LMO7: variants seen among roughly 807,000 people sequenced by gnomAD.
The protein encoded by LMO7 is LIM domain only protein 7.
A neutral mutation model predicts 206.5 loss-of-function variants in LMO7; 120 were observed. The ratio of observed to expected loss-of-function variants is 0.58; its 90% CI spans 0.50 to 0.68. The LOEUF is 0.68. Ranked by LOEUF, LMO7 falls within the 30% of genes least tolerant of loss-of-function variation. The pLI, the probability that LMO7 is intolerant of heterozygous loss-of-function variation, is 0.00. For synonymous variants in LMO7, 706 were observed against 681.5 expected (o/e 1.04, Z -0.56); for missense variants, 1,959 against 1,957.9 (o/e 1.00, Z -0.01).
intron 1 of LMO7, among the ~76,000 whole-genome samples, chr13:75,706,578 C>T (rs1398161082): frequency 6.6e-6 from 1 of 152,034 alleles, no homozygotes; most frequent in African/African-American, 2.4e-5. Context: ...TATTATCTTC[C>T]TCTGTCTCTC....
At chr13:75,674,486 A>G (rs1309261600) in intron 1 of LMO7, among the ~76,000 whole-genome samples, 1 of 152,238 alleles carries the variant, frequency 6.6e-6, no homozygotes, top group East Asian at 1.9e-4. Flanking sequence ...GTGCTTTCAG[A>G]AACATTTCTA....
At chr13:75,850,112 T>C (rs2060365517) in intron 27 of LMO7, among the ~76,000 whole-genome samples, 1 of 151,980 alleles carries the variant, frequency 6.6e-6, no homozygotes, top group South Asian at 2.1e-4. Flanking sequence ...AGCAAGAGAC[T>C]CTGTATAAAA....
chr13:75,826,475 C>T (rs928679426), intron 15 of LMO7, among the ~76,000 whole-genome samples: 5 of 152,150 alleles, frequency 3.3e-5, no homozygotes, highest in Admixed American at 2.0e-4. Flanking sequence ...CCAGGTTGGA[C>T]TCAATAATTT....
chr13:75,727,065 G>C lies in LMO7; in HGVS notation c.177G>C (p.Lys59Asn). The C allele has an allele frequency of 6.3e-7, 1 of 1,589,834 alleles. No homozygotes were observed. Among genetic ancestry groups the C allele is most frequent in the Non-Finnish European group, 8.6e-7 (1 of 1,158,798 alleles). ...INKLKPGVIK[K>N]INRLSTPIAG... ...AGCTTAAACCTGGCGTCATTAAGAA[G>C]ATCAATAGACTGTCTACACCAATAG... is the stretch of plus-strand genomic sequence containing the variant. Residue 59 changes from lysine to asparagine, a missense_variant, in exon 3 of 31, where the codon AAG becomes AAC. Coordinates refer to ENST00000377534, the MANE Select transcript of LMO7 (RefSeq NM_001306080.2).
chr13:75,681,706 G>GTGTGTATATATATATATATATATA (rs1259746833), intron 1 of LMO7, among the ~76,000 whole-genome samples: 1 of 93,328 alleles, frequency 1.1e-5, no homozygotes, highest in African/African-American at 3.6e-5. Context: ...GTATGTATGT[G>GTGTGTATATATATATATATATATA]TATATATATA....
At chr13:75,729,648 G>T (rs2044912207) in intron 3 of LMO7, among the ~76,000 whole-genome samples, 1 of 150,930 alleles carries the variant, frequency 6.6e-6, no homozygotes, top group Admixed American at 6.6e-5. Context: ...GCCCTGGCCA[G>T]AACTTCCAAC....
At position 75,686,526 on chromosome 13, in the gene LMO7, C is replaced by CTTTTT. The variant is rs3036372; in HGVS notation, c.70-26642_70-26638dup. Among the ~76,000 whole-genome samples the CTTTTT allele has an allele frequency of 1.1e-3, 148 of 135,826 alleles. 1 individual carries two copies. The highest frequency in any genetic ancestry group is 3.8e-3 in the African/African-American group (139 of 36,430). The allele number at this position is 135,826 out of a possible 152,430, so 89.1% of individuals were successfully genotyped here. A position where few individuals can be genotyped will look rare whatever the true frequency, so the allele number is the denominator to read the frequency against. ...GCTGCCATGCCTGGCCCTATCTTAC[C>CTTTTT]TTTTTTTTTTTTTTTTTTAAACTCT... On this transcript the variant is annotated intron_variant, in intron 1 of 30. Transcript: ENST00000377534.
rs184856326 is a variant in LMO7 at position 75,733,670 on chromosome 13, T to C, written c.210+6572T>C. Among the ~76,000 whole-genome samples, 13 of 152,290 alleles carry C rather than the reference T, an allele frequency of 8.5e-5. 1 individual carries two copies. The East Asian group carries it at 2.3e-3, about 27-fold the overall frequency. On this transcript the variant is annotated intron_variant, in intron 3 of 30. Transcript: ENST00000377534. ...CACTGTCTGGCACTCCCTAGTGAGA[T>C]GAACACGGTACTGCAGATGGAAATG... is the stretch of plus-strand genomic sequence containing the variant.
chr13:75,819,265 G>T, intron 12 of LMO7, 128 bp from the exon 13 acceptor site: 1 of 1,147,624 alleles, frequency 8.7e-7, no homozygotes, highest in East Asian at 2.6e-5. Flanking sequence ...AGCAAAATTA[G>T]GGCACCTTGG....
chr13:75,698,685 T>C (rs1040060612), intron 1 of LMO7, among the ~76,000 whole-genome samples: 3 of 152,000 alleles, frequency 2.0e-5, no homozygotes, highest in Non-Finnish European at 2.9e-5. Flanking sequence ...GAACTTCTTT[T>C]GTATATGGGG....
At chr13:75,792,333 T>C (rs1206408901) in intron 4 of LMO7, among the ~76,000 whole-genome samples, 1 of 152,146 alleles carries the variant, frequency 6.6e-6, no homozygotes. Flanking sequence ...ACAGAGGGCA[T>C]TATCCCTACT....
At chr13:75,832,206 G>T (rs957023304) in intron 15 of LMO7, among the ~76,000 whole-genome samples, 4 of 152,162 alleles carry the variant, frequency 2.6e-5, no homozygotes, top group Non-Finnish European at 4.4e-5. Context: ...GGTTTGCACA[G>T]ACGTAGTATA....
At chr13:75,846,950 G>T (rs1285291982) in intron 26 of LMO7, among the ~76,000 whole-genome samples, 1 of 149,798 alleles carries the variant, frequency 6.7e-6, no homozygotes, top group African/African-American at 2.5e-5. Flanking sequence ...AGAATTGCTT[G>T]AACCCGGGAG....
chr13:75,787,669 G>A (rs572638223), intron 4 of LMO7, among the ~76,000 whole-genome samples: 108 of 152,216 alleles, frequency 7.1e-4, no homozygotes, highest in African/African-American at 2.4e-3. Context: ...ATTTTCTCAA[G>A]TGTCACTTTA....
intron 1 of LMO7, among the ~76,000 whole-genome samples, chr13:75,711,600 C>A (rs577913212): frequency 3.9e-5 from 6 of 152,192 alleles, no homozygotes; most frequent in Non-Finnish European, 1.5e-5. Context: ...CTTCGGCTCA[C>A]GCTCGGTGCG....
rs2139829949 is a variant in LMO7, at chr13:75,858,161, A to G, written c.*218A>G. ...GGTAATTGTGTGTGGGGAAAAGTGCAGTATTTACCTGTTGAATTCAGCATC... is the reference window on the plus strand; with the variant it reads ...GGTAATTGTGTGTGGGGAAAAGTGCGGTATTTACCTGTTGAATTCAGCATC... On this transcript the variant is annotated 3_prime_UTR_variant, in exon 31 of 31. Transcript: ENST00000377534. 7.0e-6 allele frequency: 3 copies of G among 426,290 alleles called. No homozygotes were observed. The highest frequency in any genetic ancestry group is 6.0e-4 in the Middle Eastern group (1 of 1,660). The allele number at this position is 426,290 out of a possible 1,614,324, so 26.4% of individuals were successfully genotyped here.
intron 11 of LMO7, among the ~76,000 whole-genome samples, chr13:75,810,831 G>A (rs746932686): frequency 6.6e-6 from 1 of 152,208 alleles, no homozygotes; most frequent in Non-Finnish European, 1.5e-5. Context: ...TTATATGACT[G>A]AGTTAGAGAA....
intron 1 of LMO7, among the ~76,000 whole-genome samples, chr13:75,661,140 C>A (rs1698899915): frequency 6.6e-6 from 1 of 152,142 alleles, no homozygotes; most frequent in South Asian, 2.1e-4. Context: ...ATATTTATCT[C>A]CTTTAAAATA....
Position 75,840,420 on chromosome 13 carries a change from T to G in LMO7, c.3507T>G (p.Ser1169Arg). The G allele has an allele frequency of 6.2e-7, 1 of 1,613,970 alleles. No individual in the cohort carries two copies. Among genetic ancestry groups the G allele is most frequent in the Non-Finnish European group, 8.5e-7 (1 of 1,179,968 alleles). ...CAGTTCCAACCATCAGTGCCCCGAGTCGCTGGGTGTGGGATCAAGAGGAGG... is the reference window on the plus strand; with the variant it reads ...CAGTTCCAACCATCAGTGCCCCGAGGCGCTGGGTGTGGGATCAAGAGGAGG... ...DLPVPTISAP[S>R]RWVWDQEEER... The change falls in exon 22 of 31, where the codon AGT becomes AGG. Residue 1169 changes from serine (S) to arginine (R), a missense_variant. Ser to Arg is a moderately radical substitution (Grantham distance 110). Transcript: ENST00000377534.
Sources: allele counts gnomAD v4.1 joint callset (sites outside exome capture counted in the v4.1 genomes callset), GRCh38; gene constraint gnomAD v4.1.1; transcripts MANE v1.5; gene names NCBI Gene and HGNC (gene_info 2026-07-23, HGNC 2026-07-21).